Variants in APBA2 observed in about 807,000 individuals in gnomAD.
APBA2 encodes the protein amyloid beta precursor protein binding family A member 2.
APBA2 carries 30 observed loss-of-function variants against 75.0 expected under a neutral mutation model. The ratio of observed to expected loss-of-function variants is 0.40; its 90% CI spans 0.30 to 0.54. The LOEUF is 0.54. Ranked by LOEUF, APBA2 falls within the 20% of genes least tolerant of loss-of-function variation. APBA2 has a pLI of 0.49. For synonymous variants in APBA2, 444 were observed against 409.6 expected, an observed-to-expected ratio of 1.08 and a Z score of -1.01; for missense variants, 801 against 1,016.1, an observed-to-expected ratio of 0.79 and a Z score of 2.88.
At chr15:29,062,358 T>C in intron 4 of APBA2, among the ~76,000 whole-genome samples, 1 of 152,084 alleles carries the variant, frequency 6.6e-6, no homozygotes, top group Admixed American at 6.5e-5. Flanking sequence ...TGTGACAGGG[T>C]GGACACCGCA....
chr15:28,956,003 C>T (rs2036149306), intron 2 of APBA2, among the ~76,000 whole-genome samples: 1 of 152,248 alleles, frequency 6.6e-6, no homozygotes, highest in Admixed American at 6.5e-5. Flanking sequence ...TGACTTGGAA[C>T]CTGCATGTTA....
chr15:28,909,961 C>T (rs895757054), intron 1 of APBA2, among the ~76,000 whole-genome samples: 7 of 152,018 alleles, frequency 4.6e-5, no homozygotes, highest in Admixed American at 2.0e-4. Flanking sequence ...GTACCAGAGC[C>T]GGGGAGGTCG....
At position 28,899,075 on chromosome 15, in the gene APBA2, G is replaced by T. The variant is rs527812119; in HGVS notation, c.-205+12797G>T. On this transcript the variant is annotated intron_variant, in intron 1 of 14. Transcript: ENST00000683413. Reference sequence around the variant, plus strand: ...ACGTTATGTGGTTGCAGTTGAGAGGGAAACCAAAGAGCTTTAAGAAGAGCA... The same window carrying T: ...ACGTTATGTGGTTGCAGTTGAGAGGTAAACCAAAGAGCTTTAAGAAGAGCA... 3.9e-5 allele frequency among the ~76,000 whole-genome samples: 6 copies of T among 152,360 alleles called. No individual in the cohort carries two copies. The South Asian group carries it at 6.2e-4, about 16-fold the overall frequency.
intron 2 of APBA2, among the ~76,000 whole-genome samples, chr15:28,944,349 C>T (rs1022558320): frequency 2.6e-5 from 4 of 152,166 alleles, no homozygotes; most frequent in South Asian, 4.1e-4. Flanking sequence ...AAAATTGCTC[C>T]GGCCCTTGGA....
At chr15:28,983,440 G>T (rs1043901217) in intron 2 of APBA2, among the ~76,000 whole-genome samples, 1 of 152,178 alleles carries the variant, frequency 6.6e-6, no homozygotes, top group African/African-American at 2.4e-5. Flanking sequence ...GGGCCCATGC[G>T]TGACAATTCT....
At chr15:28,910,532 TC>T (rs1438642512) in intron 1 of APBA2, among the ~76,000 whole-genome samples, 1 of 152,202 alleles carries the variant, frequency 6.6e-6, no homozygotes, top group Non-Finnish European at 1.5e-5. Flanking sequence ...TCCGAGTATT[TC>T]CCACCCATGG....
rs1007256454 is a variant in APBA2 at position 29,110,719 on chromosome 15, A to C, written c.2037+2330A>C. ...GCACTGGTGGGGAGAGGGGGAGAAG[A>C]GATGAGGAAGGGAAGGACTCCGGTT... On this transcript the variant is annotated intron_variant, in intron 13 of 14. Transcript: ENST00000683413. 4.6e-5 allele frequency among the ~76,000 whole-genome samples: 7 copies of C among 152,086 alleles called. 1 individual carries two copies. The highest frequency in any genetic ancestry group is 3.3e-4 in the Admixed American group (5 of 15,270).
intron 6 of APBA2, among the ~76,000 whole-genome samples, chr15:29,080,964 G>A (rs2043058561): frequency 6.6e-6 from 1 of 152,172 alleles, no homozygotes; most frequent in Non-Finnish European, 1.5e-5. Flanking sequence ...ATGCTGCCAG[G>A]CCTTAGGGTC....
At chr15:29,079,917 C>T (rs994593263) in intron 6 of APBA2, among the ~76,000 whole-genome samples, 29 of 152,214 alleles carry the variant, frequency 1.9e-4, no homozygotes, top group African/African-American at 7.0e-4. Flanking sequence ...CTCTCTATTT[C>T]ATGTCGCCTG....
At chr15:28,894,223 C>G (rs1425588961) in intron 1 of APBA2, among the ~76,000 whole-genome samples, 1 of 152,158 alleles carries the variant, frequency 6.6e-6, no homozygotes, top group African/African-American at 2.4e-5. Flanking sequence ...CTTTTCTTAC[C>G]CCCGAGTCCC....
intron 2 of APBA2, among the ~76,000 whole-genome samples, chr15:28,937,028 T>C (rs1372141885): frequency 6.6e-6 from 1 of 152,212 alleles, no homozygotes; most frequent in Admixed American, 6.5e-5. Flanking sequence ...GAAAGCAGTT[T>C]GCAACTGCAA....
intron 1 of APBA2, among the ~76,000 whole-genome samples, chr15:28,891,357 T>G (rs2032117576): frequency 6.6e-6 from 1 of 152,136 alleles, no homozygotes; most frequent in Non-Finnish European, 1.5e-5. Flanking sequence ...AGGCCCATGT[T>G]TTCTCCCTGT....
At position 28,958,554 on chromosome 15, in the gene APBA2, G is replaced by A. The variant is rs184679927; in HGVS notation, c.-95+36805G>A. On this transcript the variant is annotated intron_variant, in intron 2 of 14. Coordinates refer to ENST00000683413, the MANE Select transcript of APBA2 (RefSeq NM_001353788.2). ...CTGTAGGTAAATCTCTTGCTGAAGAGTTCATTATCAGCTGGTAATGGCTTC... is the reference window on the plus strand; with the variant it reads ...CTGTAGGTAAATCTCTTGCTGAAGAATTCATTATCAGCTGGTAATGGCTTC... Among the ~76,000 whole-genome samples, 150 of 152,364 alleles carry A rather than the reference G, an allele frequency of 9.8e-4. 2 individuals carry two copies. The South Asian group carries it at 0.013, about 13-fold the overall frequency.
chr15:28,958,979 CTTCTCTTCTG>C (rs1265750383), intron 2 of APBA2, among the ~76,000 whole-genome samples: 1 of 152,056 alleles, frequency 6.6e-6, no homozygotes, highest in Admixed American at 6.6e-5. Flanking sequence ...GGGCTCTTCT[CTTCTCTTCTG>C]TTCTCTTCTC....
rs374265419 is a variant in APBA2 at position 28,980,858 on chromosome 15, G to A, written c.-94-14895G>A. 1.4e-4 allele frequency among the ~76,000 whole-genome samples: 22 copies of A among 152,272 alleles called. No individual in the cohort carries two copies. In the East Asian group the frequency reaches 1.7e-3, roughly 12 times the overall value. On this transcript the variant is annotated intron_variant, in intron 2 of 14. Coordinates refer to ENST00000683413, the MANE Select transcript of APBA2 (RefSeq NM_001353788.2). ...AGCAGACACACAGAGCAGTGGAACC[G>A]AGTAGAGAACCCAGAAATAAAGCCA... is the stretch of plus-strand genomic sequence containing the variant.
intron 2 of APBA2, among the ~76,000 whole-genome samples, chr15:28,984,120 G>A (rs2037770647): frequency 6.6e-6 from 1 of 152,154 alleles, no homozygotes; most frequent in African/African-American, 2.4e-5. Flanking sequence ...GGGATTCTGG[G>A]ATCGGGGAGG....
At chr15:28,986,241 C>T (rs1005184715) in intron 2 of APBA2, among the ~76,000 whole-genome samples, 51 of 152,192 alleles carry the variant, frequency 3.4e-4, no homozygotes, top group African/African-American at 1.2e-3. Context: ...TTGCTTGTCA[C>T]TGCCCAACAT....
chr15:29,103,937 C>A (rs1260263904), intron 10 of APBA2, among the ~76,000 whole-genome samples: 1 of 152,218 alleles, frequency 6.6e-6, no homozygotes, highest in Non-Finnish European at 1.5e-5. Flanking sequence ...TCTGGCGGTC[C>A]CCGGGCGTCG....
chr15:29,053,040 A>T (rs929002360), intron 3 of APBA2, among the ~76,000 whole-genome samples: 12 of 152,174 alleles, frequency 7.9e-5, no homozygotes, highest in African/African-American at 2.7e-4. Context: ...TTTGGGGGAC[A>T]TATTAAGGCC....
Sources: gnomAD v4.1 joint callset for allele counts (sites outside exome capture counted in the v4.1 genomes callset) on GRCh38, gnomAD v4.1.1 for gene constraint, MANE v1.5 for transcripts, NCBI Gene and HGNC (gene_info 2026-07-23, HGNC 2026-07-21) for gene names.